Variants in C10orf67 observed in about 807,000 individuals in gnomAD.
The protein encoded by C10orf67 is chromosome 10 open reading frame 67.
A neutral mutation model predicts 35.6 loss-of-function variants in C10orf67; 60 were observed. The ratio of observed to expected loss-of-function variants is 1.68; its 90% CI spans 1.37 to 2.09. C10orf67 has a LOEUF of 2.09. Ranked by LOEUF, C10orf67 falls within the 30% of genes most tolerant of loss-of-function variation. C10orf67 has a pLI of 0.00. For synonymous variants in C10orf67, 167 were observed against 115.8 expected (o/e 1.44, Z -2.84); for missense variants, 474 against 330.2 (o/e 1.44, Z -3.38).
At chr10:23,246,516 A>G (rs1342226072) in intron 12 of C10orf67, among the ~76,000 whole-genome samples, 2 of 152,214 alleles carry the variant, frequency 1.3e-5, no homozygotes, top group African/African-American at 4.8e-5. Flanking sequence ...GAAAAACACA[A>G]ATTCTCAGGA....
At chr10:23,223,421 A>G (rs955186936) in intron 15 of C10orf67, among the ~76,000 whole-genome samples, 177 bp downstream of exon 15, 2 of 152,196 alleles carry the variant, frequency 1.3e-5, no homozygotes, top group African/African-American at 4.8e-5. Context: ...AGTCAGAAGT[A>G]TATATTAGTA....
intron 12 of C10orf67, among the ~76,000 whole-genome samples, chr10:23,241,324 TCTCACC>T (rs1448259048): frequency 6.6e-6 from 1 of 152,000 alleles, no homozygotes; most frequent in Non-Finnish European, 1.5e-5. Context: ...ATAACCAGAG[TCTCACC>T]ATACCTAATT....
rs368511975 is a variant in C10orf67, at chr10:23,271,696, T to G, written c.976-4442A>C. Reference sequence around the variant, plus strand: ...TAATGATGTTGAGCATCTTTTTATGTCATCATTTGCCATCTATATATCTTT... The same window carrying G: ...TAATGATGTTGAGCATCTTTTTATGGCATCATTTGCCATCTATATATCTTT... On this transcript the variant is annotated intron_variant, in intron 8 of 15. Transcript: ENST00000636213. 1.9e-4 allele frequency among the ~76,000 whole-genome samples: 29 copies of G among 152,356 alleles called. No individual in the cohort carries two copies. The South Asian group carries it at 4.6e-3, about 24-fold the overall frequency.
chr10:23,292,143 A>C (rs917271869), intron 5 of C10orf67, among the ~76,000 whole-genome samples: 1 of 109,620 alleles, frequency 9.1e-6, no homozygotes, highest in Non-Finnish European at 1.8e-5. Context: ...AGACGCGCTT[A>C]TTGGGACAGC....
At chr10:23,329,003 A>G (rs944910589) in intron 2 of C10orf67, among the ~76,000 whole-genome samples, 7 of 150,238 alleles carry the variant, frequency 4.7e-5, no homozygotes, top group Non-Finnish European at 8.9e-5. Flanking sequence ...CAAAAAAAAA[A>G]AAAAAAAAAA....
intron 13 of C10orf67, among the ~76,000 whole-genome samples, chr10:23,237,894 C>T (rs944909224): frequency 6.6e-6 from 1 of 152,230 alleles, no homozygotes; most frequent in African/African-American, 2.4e-5. Context: ...AAATGGCACA[C>T]TTACTACTTG....
intron 7 of C10orf67, among the ~76,000 whole-genome samples, chr10:23,283,076 C>T (rs1046166546): frequency 2.6e-5 from 4 of 152,006 alleles, no homozygotes; most frequent in Non-Finnish European, 5.9e-5. Context: ...ATGGATTGTT[C>T]GTAATACAAA....
intron 8 of C10orf67, among the ~76,000 whole-genome samples, chr10:23,278,272 C>T (rs1000452112): frequency 6.6e-6 from 1 of 152,110 alleles, no homozygotes; most frequent in African/African-American, 2.4e-5. Context: ...AGGTTGAGAA[C>T]CCCTGGAATG....
intron 12 of C10orf67, among the ~76,000 whole-genome samples, chr10:23,245,056 C>T (rs905249759): frequency 1.3e-5 from 2 of 152,052 alleles, no homozygotes; most frequent in Non-Finnish European, 2.9e-5. Context: ...TAAGCTCATG[C>T]ATATATGGTC....
chr10:23,287,469 A>T (rs537741901), intron 7 of C10orf67, among the ~76,000 whole-genome samples: 115 of 152,354 alleles, frequency 7.5e-4, no homozygotes, highest in African/African-American at 2.7e-3. Flanking sequence ...TTATACAAAA[A>T]TTAACTCAAG....
Position 23,206,496 on chromosome 10 carries a change from G to A in C10orf67, c.1571-2241C>T, listed in dbSNP as rs1030649246. On this transcript the variant is annotated intron_variant, in intron 15 of 15. Transcript: ENST00000636213. The stretch of plus-strand genomic sequence containing the variant: ...AGATGTTGCTTTGTTTGAAATCTTC[G>A]GCACAAAGACACAACAATGCTGCCC... 7.9e-5 allele frequency among the ~76,000 whole-genome samples: 12 copies of A among 152,118 alleles called. 1 individual carries two copies. Among genetic ancestry groups the A allele is most frequent in the Admixed American group, 2.0e-4 (3 of 15,286 alleles).
chr10:23,325,953 G>A (rs1845178100), intron 2 of C10orf67, among the ~76,000 whole-genome samples: 1 of 151,868 alleles, frequency 6.6e-6, no homozygotes, highest in African/African-American at 2.4e-5. Flanking sequence ...GAACAAAGAT[G>A]GCAGAAAAAA....
chr10:23,297,662 T>TC (rs1401622741), intron 5 of C10orf67, among the ~76,000 whole-genome samples: 1 of 152,134 alleles, frequency 6.6e-6, no homozygotes, highest in Non-Finnish European at 1.5e-5. Flanking sequence ...CTCTAAAAGG[T>TC]CCCCCTGAGC....
chr10:23,280,392 C>G (rs1448142478), intron 8 of C10orf67, among the ~76,000 whole-genome samples: 1 of 152,080 alleles, frequency 6.6e-6, no homozygotes, highest in Non-Finnish European at 1.5e-5. Context: ...CGCAGGATAG[C>G]GAGAAACAAA....
intron 2 of C10orf67, among the ~76,000 whole-genome samples, chr10:23,329,932 A>G (rs1845380852): frequency 6.6e-6 from 1 of 152,170 alleles, no homozygotes; most frequent in Admixed American, 6.5e-5. Context: ...TGATCCAGTT[A>G]GGTTTATTTC....
intron 4 of C10orf67, among the ~76,000 whole-genome samples, chr10:23,312,119 C>G (rs1233620259): frequency 2.0e-5 from 3 of 152,072 alleles, no homozygotes; most frequent in Non-Finnish European, 4.4e-5. Context: ...ATGTTATACT[C>G]CTTAATTAAT....
At chr10:23,277,688 A>C (rs77945091) in intron 8 of C10orf67, among the ~76,000 whole-genome samples, 2 of 152,198 alleles carry the variant, frequency 1.3e-5, no homozygotes, top group East Asian at 3.8e-4. Context: ...TCAGCATGTA[A>C]AGAGTTTAGT....
chr10:23,257,384 T>C (rs1842630068), intron 10 of C10orf67, among the ~76,000 whole-genome samples: 1 of 152,166 alleles, frequency 6.6e-6, no homozygotes, highest in Admixed American at 6.5e-5. Flanking sequence ...GATAAGAGCA[T>C]AGAGGCAGAT....
intron 8 of C10orf67, among the ~76,000 whole-genome samples, chr10:23,269,532 T>A (rs1842965736): frequency 2.0e-5 from 3 of 152,150 alleles, no homozygotes; most frequent in Non-Finnish European, 4.4e-5. Context: ...TAGTAGACCT[T>A]AATCTGACCC....
Sources: allele counts gnomAD v4.1 joint callset (sites outside exome capture counted in the v4.1 genomes callset), GRCh38; gene constraint gnomAD v4.1.1; transcripts MANE v1.5; gene names NCBI Gene and HGNC (gene_info 2026-07-23, HGNC 2026-07-21).